CHRDL1: variants seen among roughly 807,000 people sequenced by gnomAD.
CHRDL1 encodes the protein chordin-like protein 1.
In CHRDL1, 19 loss-of-function variants were observed where a neutral mutation model predicts 40.9. The ratio of observed to expected loss-of-function variants is 0.46; its 90% CI spans 0.32 to 0.68. CHRDL1 has a LOEUF of 0.68. Ranked by LOEUF, CHRDL1 falls within the 30% of genes least tolerant of loss-of-function variation. The pLI, the probability that CHRDL1 is intolerant of heterozygous loss-of-function variation, is 0.03. For synonymous variants in CHRDL1, 136 were observed against 123.4 expected (o/e 1.10, Z -0.68); for missense variants, 329 against 352.1 (o/e 0.93, Z 0.53).
At chrX:110,787,130 A>G (rs1432005157) in intron 2 of CHRDL1, among the ~76,000 whole-genome samples, 1 of 111,962 alleles carries the variant, frequency 8.9e-6, no homozygotes, top group Non-Finnish European at 1.9e-5. Context: ...TTTGGCTTGT[A>G]AGAGAGTTGC....
chrX:110,712,607 G>A (rs1380091140), intron 6 of CHRDL1, among the ~76,000 whole-genome samples: 2 of 111,194 alleles, frequency 1.8e-5, no homozygotes, highest in African/African-American at 3.3e-5. Flanking sequence ...CTGGGCTCAT[G>A]TCTGTAATCC....
chrX:110,757,836 A>G (rs1475527253), intron 4 of CHRDL1, among the ~76,000 whole-genome samples: 1 of 111,300 alleles, frequency 9.0e-6, no homozygotes, highest in Non-Finnish European at 1.9e-5. Flanking sequence ...TTCTCTCAAA[A>G]TAACTGCTAG....
rs756449642 is a variant in CHRDL1, at chrX:110,735,988, T to C, written c.302-14458A>G. Among the ~76,000 whole-genome samples, 9 of 112,098 alleles carry C rather than the reference T, an allele frequency of 8.0e-5. No individual in the cohort carries two copies. In the South Asian group the frequency reaches 3.0e-3, roughly 37 times the overall value. On this transcript the variant is annotated intron_variant, in intron 4 of 11. Transcript: ENST00000372042. ...GAGAAAAGTTATCCCCCAATGCACA[T>C]ATTATTTTGTTTGGAAAACTGTTAG...
chrX:110,792,035 A>G, intron 2 of CHRDL1, 53 bp downstream of exon 2: 2 of 779,865 alleles, frequency 2.6e-6, no homozygotes, highest in Admixed American at 5.6e-5. Flanking sequence ...TTATAGCCAC[A>G]TTTTCAAAGA....
intron 1 of CHRDL1, among the ~76,000 whole-genome samples, chrX:110,793,279 C>T (rs1203445019): frequency 2.7e-5 from 3 of 112,279 alleles, no homozygotes; most frequent in Admixed American, 9.4e-5. Flanking sequence ...GAAGTAGATG[C>T]TACAGCTCCT....
At chrX:110,792,249 C>A in intron 1 of CHRDL1, 34 bp from the exon 2 acceptor site, 1 of 617,304 alleles carries the variant, frequency 1.6e-6, no homozygotes, top group Non-Finnish European at 2.6e-6. Flanking sequence ...AGACTTAACA[C>A]AGATCTTCTG....
At chrX:110,685,260 T>C (rs745957240) in intron 9 of CHRDL1, among the ~76,000 whole-genome samples, 87 of 111,914 alleles carry the variant, frequency 7.8e-4, no homozygotes, top group African/African-American at 2.8e-3. Context: ...ATAAACACTT[T>C]CTTTCTTTCT....
In CHRDL1 at chrX:110,719,867, G is replaced by C. The variant is rs1452184005; in HGVS notation, c.509C>G (p.Ser170Cys). Reference protein sequence around the residue: ...CPKLTCAFPVSVPDSCCRVCR... With the variant: ...CPKLTCAFPVCVPDSCCRVCR... ...TACCCGGCAGCAGGAATCTGGAACA[G>C]AGACTGGGAAGGCACAGGTTAATTT... The change falls in exon 6 of 12, where the codon TCT (serine) becomes TGT (cysteine). Residue 170 changes from serine to cysteine, a missense_variant. Ser to Cys is a moderately radical substitution (Grantham distance 112). Coordinates refer to ENST00000372042, the MANE Select transcript of CHRDL1 (RefSeq NM_001143981.2). The C allele has an allele frequency of 8.3e-7, 1 of 1,208,050 alleles. No individual in the cohort carries two copies. Among genetic ancestry groups the C allele is most frequent in the Non-Finnish European group, 1.1e-6 (1 of 892,496 alleles).
At chrX:110,690,349 C>CAT (rs762877001) in intron 8 of CHRDL1, among the ~76,000 whole-genome samples, 18 of 107,082 alleles carry the variant, frequency 1.7e-4, no homozygotes, top group East Asian at 1.2e-3. Flanking sequence ...CGCCCAGCCA[C>CAT]ATATATATAT....
At chrX:110,759,630 A>T in intron 4 of CHRDL1, 31 bp downstream of exon 4, 1 of 1,000,445 alleles carries the variant, frequency 1.0e-6, no homozygotes, top group Non-Finnish European at 1.4e-6. Context: ...GGAGAACCAC[A>T]GCTAGGAAAG....
chrX:110,768,455 G>C (rs2089700123), intron 2 of CHRDL1, among the ~76,000 whole-genome samples: 1 of 110,509 alleles, frequency 9.0e-6, no homozygotes, highest in Non-Finnish European at 1.9e-5. Flanking sequence ...GGTGTTTTTG[G>C]ATGTGGCCAG....
rs1215700145 is a variant in CHRDL1 at position 110,676,343 on chromosome X, G to A, written c.1265C>T (p.Thr422Ile). Reference sequence around the variant, plus strand: ...CTGGCTGATCTGAGCTTCTCCTTCGGTGAAGATCTTCCACTGGCCTAAAAG... The same window carrying A: ...CTGGCTGATCTGAGCTTCTCCTTCGATGAAGATCTTCCACTGGCCTAAAAG... Reference protein sequence around the residue: ...RTTLSQWKIFTEGEAQISQMC... With the variant: ...RTTLSQWKIFIEGEAQISQMC... The change falls in exon 12 of 12, where the codon ACC becomes ATC. Residue 422 changes from threonine (T) to isoleucine (I), a missense_variant. Physicochemically the swap from Thr to Ile is moderately conservative, Grantham distance 89. Coordinates refer to ENST00000372042, the MANE Select transcript of CHRDL1 (RefSeq NM_001143981.2). 1.4e-5 allele frequency: 17 copies of A among 1,208,652 alleles called. No individual in the cohort carries two copies. The highest frequency in any genetic ancestry group is 1.8e-5 in the Non-Finnish European group (16 of 894,356).
chrX:110,679,292 CTGAA>C (rs1340330712), intron 11 of CHRDL1, 40 bp downstream of exon 11: 1 of 934,372 alleles, frequency 1.1e-6, no homozygotes, highest in African/African-American at 1.9e-5. Context: ...AAATTGAAAA[CTGAA>C]TGTGTTTTTC....
chrX:110,795,098 C>G (rs1245396487), intron 1 of CHRDL1, among the ~76,000 whole-genome samples: 1 of 112,392 alleles, frequency 8.9e-6, no homozygotes, highest in Admixed American at 9.3e-5. Flanking sequence ...ACCTTTCTAT[C>G]ATTTCATTTC....
At chrX:110,676,576 A>T (rs930982308) in intron 11 of CHRDL1, among the ~76,000 whole-genome samples, 1 of 111,929 alleles carries the variant, frequency 8.9e-6, no homozygotes, top group East Asian at 2.8e-4. Context: ...ATTTCAACAC[A>T]TAGCATTTGT....
chrX:110,765,171 C>G (rs955872385), intron 2 of CHRDL1, among the ~76,000 whole-genome samples: 16 of 111,118 alleles, frequency 1.4e-4, no homozygotes, highest in Non-Finnish European at 2.6e-4. Flanking sequence ...CCTGTTCTTG[C>G]ACCCCCTCCC....
intron 6 of CHRDL1, among the ~76,000 whole-genome samples, chrX:110,705,835 T>C (rs1178302983): frequency 1.8e-5 from 2 of 109,596 alleles, no homozygotes; most frequent in African/African-American, 6.6e-5. Context: ...CATTATAAAT[T>C]ATATACATTA....
intron 6 of CHRDL1, among the ~76,000 whole-genome samples, chrX:110,708,665 A>G (rs1335610855): frequency 1.8e-5 from 2 of 111,610 alleles, no homozygotes; most frequent in African/African-American, 3.3e-5. Flanking sequence ...GTCCAGAAAA[A>G]TCATAAATAC....
chrX:110,771,269 T>C (rs1371481080), intron 2 of CHRDL1, among the ~76,000 whole-genome samples: 1 of 111,810 alleles, frequency 8.9e-6, no homozygotes, highest in Admixed American at 9.5e-5. Flanking sequence ...GTGAATTCTA[T>C]CAAACATTCT....
Sources: gnomAD v4.1 joint callset for allele counts (sites outside exome capture counted in the v4.1 genomes callset) on GRCh38, gnomAD v4.1.1 for gene constraint, MANE v1.5 for transcripts, NCBI Gene and HGNC (gene_info 2026-07-23, HGNC 2026-07-21) for gene names.